The following PROM2 variants were observed in gnomAD, a reference collection of about 807,000 sequenced individuals.
PROM2 encodes prominin-2.
A neutral mutation model predicts 110.2 loss-of-function variants in PROM2; 90 were observed. That is an observed-to-expected ratio of 0.82 (90% CI 0.69 to 0.97). PROM2 has a LOEUF of 0.97. PROM2 is among the 50% of genes least tolerant of loss of function. The probability of loss-of-function intolerance (pLI) is 0.00; values close to 1 mark genes in which losing one functional copy is unlikely to be tolerated. For synonymous variants in PROM2, 470 were observed against 467.8 expected (o/e 1.00, Z -0.06); for missense variants, 1,009 against 1,074.8 (o/e 0.94, Z 0.86).
chr2:95,283,597 G>A (rs543914229), intron 14 of PROM2, among the ~76,000 whole-genome samples: 1 of 152,280 alleles, frequency 6.6e-6, no homozygotes, highest in Admixed American at 6.5e-5. Flanking sequence ...GGAGGGATGC[G>A]GGGAGGAGAG....
At chr2:95,283,017 C>T (rs1187722819) in intron 14 of PROM2, among the ~76,000 whole-genome samples, 2 of 152,194 alleles carry the variant, frequency 1.3e-5, no homozygotes, top group Non-Finnish European at 2.9e-5. Context: ...CCTCGGCCCA[C>T]GGACAGCACA....
chr2:95,274,526 T>C lies in PROM2; in HGVS notation c.-60T>C, dbSNP rs1676528290. 5.4e-6 allele frequency: 8 copies of C among 1,494,122 alleles called. No homozygotes were observed. Among genetic ancestry groups the C allele is most frequent in the Admixed American group, 2.3e-5 (1 of 44,208 alleles). 92.6% of individuals were successfully genotyped at this position (1,494,122 alleles called of 1,614,324 possible). On this transcript the variant is annotated 5_prime_UTR_variant, in exon 1 of 24. It removes an upstream start codon present in the reference 5' UTR. Coordinates refer to ENST00000317620, the MANE Select transcript of PROM2 (RefSeq NM_001165978.3). ...GGGACAGAGGCTGGAGAAGGATGTA[T>C]GGCCTGCCCTGGGCTTGTCTGTTCC... is the stretch of plus-strand genomic sequence containing the variant.
chr2:95,277,858 C>G lies in PROM2; in HGVS notation c.976-72C>G, dbSNP rs555104211. 46 of 1,323,536 alleles carry G rather than the reference C, an allele frequency of 3.5e-5. No homozygotes were observed. The Middle Eastern group carries it at 5.4e-4, about 16-fold the overall frequency. 82.0% of individuals were successfully genotyped at this position (1,323,536 alleles called of 1,614,324 possible). On this transcript the variant is annotated intron_variant, in intron 7 of 23. Coordinates refer to ENST00000317620, the MANE Select transcript of PROM2 (RefSeq NM_001165978.3). ...TTGGGGTTCAGAGGCCCCTGCCCCC[C>G]TCATCCACCCTCAGGGATCCCCTTC...
At chr2:95,283,991 A>G (rs1677197163) in intron 14 of PROM2, among the ~76,000 whole-genome samples, 1 of 152,230 alleles carries the variant, frequency 6.6e-6, no homozygotes, top group South Asian at 2.1e-4. Flanking sequence ...GACACAGCTG[A>G]TGGGATAAAG....
At chr2:95,284,501 CAAA>C (rs778439045) in intron 14 of PROM2, among the ~76,000 whole-genome samples, 1 of 136,534 alleles carries the variant, frequency 7.3e-6, no homozygotes, top group African/African-American at 2.7e-5. Flanking sequence ...CTTCCCCAAC[CAAA>C]AAAAAAAAAG....
chr2:95,278,771 C>G lies in PROM2; in HGVS notation c.1101C>G (p.Ser367=), dbSNP rs1676832072. The G allele has an allele frequency of 1.9e-6, 3 of 1,613,918 alleles. No individual in the cohort carries two copies. Among genetic ancestry groups the G allele is most frequent in the Non-Finnish European group, 2.5e-6 (3 of 1,180,028 alleles). ...ALPALAAMQT[S]SVVQELKKAV... is the part of the protein sequence containing the mutation. The stretch of plus-strand genomic sequence containing the variant: ...CAGCCCTGGCTGCCATGCAGACATC[C>G]AGCGTGGTGCAAGGTTAGGCCACAC... Residue 367 remains serine, a synonymous_variant, in exon 9 of 24, where the codon TCC becomes TCG. Transcript: ENST00000317620.
chr2:95,277,440 G>A lies in PROM2; in HGVS notation c.849G>A (p.Leu283=), dbSNP rs1676740187. ...AGCTGCAGGCCGGGCAGCAGGACCT[G>A]GAGCCAGCCATCCGGGAACACCGGG... ...VVELQAGQQD[L]EPAIREHRDR... The change falls in exon 7 of 24, where the codon CTG becomes CTA. Residue 283 remains leucine, a synonymous_variant. Coordinates refer to ENST00000317620, the MANE Select transcript of PROM2 (RefSeq NM_001165978.3). The A allele has an allele frequency of 1.2e-6, 2 of 1,613,180 alleles. No homozygotes were observed. Among genetic ancestry groups the A allele is most frequent in the Admixed American group, 1.7e-5 (1 of 59,982 alleles).
chr2:95,279,223 C>A, intron 10 of PROM2, 79 bp downstream of exon 10: 1 of 1,128,836 alleles, frequency 8.9e-7, no homozygotes, highest in Non-Finnish European at 1.2e-6. Flanking sequence ...ACCCTGAGCC[C>A]CATTCCCAGC....
At position 95,277,069 on chromosome 2, in the gene PROM2, G is replaced by A; in HGVS notation, c.772+8G>A. 1.3e-6 allele frequency: 2 copies of A among 1,549,560 alleles called. No homozygotes were observed. The highest frequency in any genetic ancestry group is 1.7e-6 in the Non-Finnish European group (2 of 1,145,988). On this transcript the variant is annotated splice_region_variant and intron_variant, in intron 6 of 23. Coordinates refer to ENST00000317620, the MANE Select transcript of PROM2 (RefSeq NM_001165978.3). ...TGGGCAGTTTGGGCCAGGGTGAGCT[G>A]GAGCCGCATCCTGGATAGTGTGGAG...
chr2:95,288,322 G>GT (rs1336797798), intron 21 of PROM2, 22 bp downstream of exon 21: 2 of 1,613,358 alleles, frequency 1.2e-6, no homozygotes, highest in South Asian at 2.2e-5. Flanking sequence ...AGCTCATCGG[G>GT]GCTTGTTCAC....
Position 95,281,341 on chromosome 2 carries a change from C to A in PROM2, c.1527C>A (p.Ser509Arg). The A allele has an allele frequency of 1.9e-6, 3 of 1,609,448 alleles. No individual in the cohort carries two copies. Among genetic ancestry groups the A allele is most frequent in the Non-Finnish European group, 2.5e-6 (3 of 1,177,962 alleles). Residue 509 changes from serine to arginine, a missense_variant, in exon 12 of 24, where the codon AGC becomes AGA. Transcript: ENST00000317620. ...ACGTGCAGACGCTGGTGTGCCAGAG[C>A]TGGGAGAACGGCGAGCTCTTTGAGG... ...GGNVQTLVCQSWENGELFEFA... is the reference protein window; with the variant it reads ...GGNVQTLVCQRWENGELFEFA...
chr2:95,278,920 G>T, intron 9 of PROM2, 65 bp from the exon 10 acceptor site: 1 of 1,600,066 alleles, frequency 6.2e-7, no homozygotes, highest in African/African-American at 1.3e-5. Flanking sequence ...CTTCCTGCCC[G>T]CTTGTCTTGT....
intron 11 of PROM2, 47 bp downstream of exon 11, chr2:95,280,044 G>C: frequency 7.3e-7 from 1 of 1,360,716 alleles, no homozygotes; most frequent in Middle Eastern, 2.3e-4. Flanking sequence ...TATAGGGCTG[G>C]CTGATTACTC....
intron 17 of PROM2, 32 bp downstream of exon 17, chr2:95,286,603 TG>T: frequency 1.3e-6 from 2 of 1,588,872 alleles, no homozygotes; most frequent in Non-Finnish European, 1.7e-6. Flanking sequence ...GCCTGGGGCC[TG>T]GGGGAGGGGA....
At chr2:95,285,237 G>A in intron 15 of PROM2, 122 bp downstream of exon 15, 1 of 1,182,334 alleles carries the variant, frequency 8.5e-7, no homozygotes, top group South Asian at 1.7e-5. Flanking sequence ...ATTTCCTGGG[G>A]CCTCTTCCTG....
chr2:95,276,872 C>A lies in PROM2; in HGVS notation c.683-100C>A. On this transcript the variant is annotated intron_variant, in intron 5 of 23. Transcript: ENST00000317620. This position sits in a 1 kb window ranked among gnomAD's most constrained non-coding sequence, Gnocchi z 4.6. ...TCCTTCACTCCCCTCCACCCCCCGG[C>A]TCCTGCAGAGCCCGGTGGGGCCTGG... 1 of 1,322,788 alleles carries A rather than the reference C, an allele frequency of 7.6e-7. No homozygotes were observed. Among genetic ancestry groups the A allele is most frequent in the South Asian group, 1.3e-5 (1 of 78,422 alleles). The allele number at this position is 1,322,788 out of a possible 1,614,324, so 81.9% of individuals were successfully genotyped here. A position where few individuals can be genotyped will look rare whatever the true frequency, so the allele number is the denominator to read the frequency against.
chr2:95,279,349 T>A (rs1438160408), intron 10 of PROM2, among the ~76,000 whole-genome samples: 6 of 150,968 alleles, frequency 4.0e-5, no homozygotes, highest in Non-Finnish European at 8.9e-5. Flanking sequence ...CAGGCTGGAG[T>A]GCAGTGGGGC....
intron 14 of PROM2, among the ~76,000 whole-genome samples, chr2:95,283,733 T>C (rs1480946138): frequency 6.6e-6 from 1 of 152,242 alleles, no homozygotes; most frequent in East Asian, 1.9e-4. Flanking sequence ...CTTCCAGTGA[T>C]AGTAGGAAAA....
At chr2:95,278,264 G>T in intron 8 of PROM2, 1 of 569,120 alleles carries the variant, frequency 1.8e-6, no homozygotes, top group Non-Finnish European at 3.1e-6. Context: ...AGGGCAGGCG[G>T]CTCCCCTGGG....
Sources: gnomAD v4.1 joint callset for allele counts (sites outside exome capture counted in the v4.1 genomes callset) on GRCh38, gnomAD v4.1.1 for gene constraint, Gnocchi (gnomAD v3.1) non-coding constraint, MANE v1.5 for transcripts, NCBI Gene and HGNC (gene_info 2026-07-23, HGNC 2026-07-21) for gene names.